Variants in SNX25 observed in about 807,000 individuals in gnomAD.
SNX25 encodes sorting nexin 25, also known as sorting nexin-25.
Under a neutral mutation model 113.7 loss-of-function variants are expected in SNX25, and 62 were observed. The ratio of observed to expected loss-of-function variants is 0.55; its 90% CI spans 0.44 to 0.67. The LOEUF (loss-of-function observed/expected upper bound fraction) is 0.67. Among genes scored for constraint, SNX25 ranks in the 30% least tolerant of loss-of-function variants. The pLI is 0.00. For synonymous variants in SNX25, 421 were observed against 436.2 expected, an observed-to-expected ratio of 0.97 and a Z score of 0.43; for missense variants, 1,014 against 1,161.0, an observed-to-expected ratio of 0.87 and a Z score of 1.84.
At chr4:185,372,984 C>T, downstream of SNX25, 1 of 1,614,024 alleles carries the variant, frequency 6.2e-7, no homozygotes. Flanking sequence ...CTTCCGTATC[C>T]TGCCGGATGC....
chr4:185,362,526 G>A, intron 17 of SNX25, 85 bp from the exon 18 acceptor site: 1 of 1,319,298 alleles, frequency 7.6e-7, no homozygotes, highest in Non-Finnish European at 1.1e-6. Context: ...GACTGAAGGT[G>A]TATAATGTTG....
rs1351210088 is a variant in SNX25 at position 185,318,351 on chromosome 4, C to CA, written c.1345-2381dup. Among the ~76,000 whole-genome samples the CA allele has an allele frequency of 1.1e-4, 17 of 152,276 alleles. 1 individual carries two copies. Among genetic ancestry groups the CA allele is most frequent in the African/African-American group, 4.1e-4 (17 of 41,542 alleles). On this transcript the variant is annotated intron_variant, in intron 7 of 18. Transcript: ENST00000652585. ...TGAGGCATTTTTCCTAATTCATTGT[C>CA]ACGAATTATTATGAAGGTCATCTGC...
At chr4:185,362,564 T>G in intron 17 of SNX25, 47 bp from the exon 18 acceptor site, 1 of 1,557,158 alleles carries the variant, frequency 6.4e-7, no homozygotes. Context: ...AGCTATGCAC[T>G]GAGCACTTTA....
intron 9 of SNX25, among the ~76,000 whole-genome samples, chr4:185,327,267 A>G (rs2095163292): frequency 6.6e-6 from 1 of 152,248 alleles, no homozygotes; most frequent in Non-Finnish European, 1.5e-5. Context: ...TTACTCCAGC[A>G]TTTAACTCCA....
intron 1 of SNX25, among the ~76,000 whole-genome samples, chr4:185,241,453 C>T (rs1256573065): frequency 8.3e-5 from 8 of 95,910 alleles, no homozygotes; most frequent in Non-Finnish European, 1.3e-4. Context: ...GGCTCGGCAT[C>T]GGGGAGACCG....
At chr4:185,282,490 G>A (rs1750746121) in intron 5 of SNX25, among the ~76,000 whole-genome samples, 1 of 152,180 alleles carries the variant, frequency 6.6e-6, no homozygotes, top group Non-Finnish European at 1.5e-5. Flanking sequence ...ACTATCTAAG[G>A]TGATGACTTT....
chr4:185,226,771 A>G (rs1255611547), intron 1 of SNX25, among the ~76,000 whole-genome samples: 1 of 152,252 alleles, frequency 6.6e-6, no homozygotes, highest in East Asian at 1.9e-4. Context: ...TAATTCTTAA[A>G]GCTTTACAAC....
intron 6 of SNX25, among the ~76,000 whole-genome samples, chr4:185,290,863 G>T (rs950561348): frequency 3.9e-5 from 6 of 152,164 alleles, no homozygotes; most frequent in African/African-American, 1.4e-4. Flanking sequence ...CTTGAGTGCT[G>T]CAGAGAACAA....
intron 3 of SNX25, among the ~76,000 whole-genome samples, chr4:185,263,772 C>G (rs1360155858): frequency 6.6e-6 from 1 of 152,180 alleles, no homozygotes; most frequent in Non-Finnish European, 1.5e-5. Flanking sequence ...GCATCCCAGG[C>G]TTTCTTGAAT....
rs547892216 is a variant in SNX25, at chr4:185,210,763, C to G, written c.429+508C>G. 5.3e-5 allele frequency among the ~76,000 whole-genome samples: 8 copies of G among 152,170 alleles called. No individual in the cohort carries two copies. Among genetic ancestry groups the G allele is most frequent in the African/African-American group, 1.7e-4 (7 of 41,514 alleles). ...CCGCGTACCCTTCCCACCACCCTAT[C>G]CTGCCTTCCACCATGCGGATACGTA... On this transcript the variant is annotated intron_variant, in intron 1 of 18. Coordinates refer to ENST00000652585, the MANE Select transcript of SNX25 (RefSeq NM_001378034.2). This position sits in a 1 kb window ranked among gnomAD's most constrained non-coding sequence, Gnocchi z 4.4.
intron 5 of SNX25, among the ~76,000 whole-genome samples, chr4:185,284,421 AGGGAT>A (rs923176511): frequency 2.2e-4 from 33 of 152,316 alleles, no homozygotes; most frequent in African/African-American, 7.9e-4. Flanking sequence ...TGTGCATTAT[AGGGAT>A]GGGGAAGACT....
At chr4:185,344,383 A>G (rs375440639) in intron 12 of SNX25, among the ~76,000 whole-genome samples, 9 of 152,302 alleles carry the variant, frequency 5.9e-5, no homozygotes, top group African/African-American at 2.2e-4. Context: ...CTGGTGAAGC[A>G]TCCGGCGCCA....
intron 6 of SNX25, among the ~76,000 whole-genome samples, chr4:185,297,089 CTT>C (rs34857697): frequency 0.42 from 63,813 of 151,906 alleles, 13,536 homozygotes; most frequent in East Asian, 0.52. Context: ...CTCTATTCAG[CTT>C]TTAAATGTTG....
At chr4:185,264,372 C>A in intron 3 of SNX25, 66 bp from the exon 4 acceptor site, 1 of 1,423,288 alleles carries the variant, frequency 7.0e-7, no homozygotes, top group Non-Finnish European at 9.6e-7. Context: ...ATATTTTTTA[C>A]CTAATAGTAC....
chr4:185,361,964 A>G lies in SNX25; in HGVS notation c.2692A>G (p.Met898Val). The G allele has an allele frequency of 6.2e-7, 1 of 1,614,152 alleles. No individual in the cohort carries two copies. The highest frequency in any genetic ancestry group is 8.5e-7 in the Non-Finnish European group (1 of 1,180,028). ...AGTCAGCTGGATTTTCAGTGAGCAA[A>G]TGTTGGTTTACTACATCAATATTTT... ...DTVSWIFSEQMLVYYINIFRD... is the reference protein window; with the variant it reads ...DTVSWIFSEQVLVYYINIFRD... Residue 898 changes from methionine to valine, a missense_variant, in exon 17 of 19, where the codon ATG becomes GTG. Physicochemically the swap from Met to Val is conservative, Grantham distance 21 (BLOSUM62 1). Transcript: ENST00000652585.
At chr4:185,245,487 G>A (rs959930210) in intron 1 of SNX25, among the ~76,000 whole-genome samples, 5 of 152,038 alleles carry the variant, frequency 3.3e-5, no homozygotes, top group South Asian at 4.2e-4. Context: ...ACAGGTGCCC[G>A]CCACCACGCC....
At chr4:185,305,581 A>G (rs1245107441) in intron 6 of SNX25, among the ~76,000 whole-genome samples, 1 of 152,190 alleles carries the variant, frequency 6.6e-6, no homozygotes, top group Non-Finnish European at 1.5e-5. Context: ...AAGCCACTTC[A>G]CTTGCTTAAG....
downstream of SNX25, chr4:185,370,706 T>G (rs776193908): frequency 4.3e-6 from 7 of 1,613,956 alleles, no homozygotes; most frequent in South Asian, 7.7e-5. Context: ...GAAGACACCT[T>G]GCGTGGTAGA....
At chr4:185,237,149 G>GA (rs1579405812) in intron 1 of SNX25, among the ~76,000 whole-genome samples, 1 of 85,106 alleles carries the variant, frequency 1.2e-5, no homozygotes, top group East Asian at 4.6e-4. Flanking sequence ...GCTTGACTAA[G>GA]AGGGAAAAAA....
Sources: allele counts gnomAD v4.1 joint callset (sites outside exome capture counted in the v4.1 genomes callset), GRCh38; gene constraint gnomAD v4.1.1; non-coding constraint Gnocchi (gnomAD v3.1); transcripts MANE v1.5; gene names NCBI Gene and HGNC (gene_info 2026-07-23, HGNC 2026-07-21).